Variants in RWDD2B observed in about 807,000 individuals in gnomAD.
The protein encoded by RWDD2B is RWD domain containing 2B.
A neutral mutation model predicts 33.6 loss-of-function variants in RWDD2B; 36 were observed. The observed-to-expected ratio is 1.07, with a 90% CI of 0.82 to 1.42. The LOEUF is 1.42. Among genes scored for constraint, RWDD2B ranks in the 40% most tolerant of loss-of-function variants. The pLI, the probability that RWDD2B is intolerant of heterozygous loss-of-function variation, is 0.00. For missense variants in RWDD2B, 364 were observed against 377.5 expected (o/e 0.96, Z 0.30); for synonymous variants, 126 against 133.1 (o/e 0.95, Z 0.37).
At position 29,008,259 on chromosome 21, in the gene RWDD2B, G is replaced by T. The variant is rs1418060360; in HGVS notation, c.343C>A (p.Leu115Met). Reference sequence around the variant, plus strand: ...ACGTACCTGACAGTAATTTCAGGCAGAACTGCCGGGTATTTAAAGGGAAGA... The same window carrying T: ...ACGTACCTGACAGTAATTTCAGGCATAACTGCCGGGTATTTAAAGGGAAGA... The part of the protein sequence containing the change: ...CILPFKYPAV[L>M]PEITVRSVLL... Residue 115 changes from leucine to methionine, a missense_variant, in exon 3 of 5, where the codon CTG (leucine) becomes ATG (methionine). Leu to Met is a conservative substitution (Grantham distance 15). Transcript: ENST00000493196. 2.5e-6 allele frequency: 4 copies of T among 1,614,198 alleles called. No homozygotes were observed. Among genetic ancestry groups the T allele is most frequent in the Middle Eastern group, 1.6e-4 (1 of 6,062 alleles).
At chr21:29,013,378 A>T (rs1450795117) in intron 1 of RWDD2B, among the ~76,000 whole-genome samples, 1 of 152,210 alleles carries the variant, frequency 6.6e-6, no homozygotes, top group East Asian at 1.9e-4. Flanking sequence ...AAACAAGAAA[A>T]AATGGTAATT....
chr21:29,004,563 T>C lies in RWDD2B; in HGVS notation c.*1854A>G, dbSNP rs2084819752. 1.3e-5 allele frequency: 2 copies of C among 152,232 alleles called. No individual in the cohort carries two copies. The allele number at this position is 152,232 out of a possible 1,614,324, so 9.4% of individuals were successfully genotyped here. A position where few individuals can be genotyped will look rare whatever the true frequency, so the allele number is the denominator to read the frequency against. Reference sequence around the variant, plus strand: ...GGTAGGGATGTCAGATTCCATTCTCTGTAGGGTATTTCATACAAATCTGTT... The same window carrying C: ...GGTAGGGATGTCAGATTCCATTCTCCGTAGGGTATTTCATACAAATCTGTT... On this transcript the variant is annotated 3_prime_UTR_variant, in exon 5 of 5. Transcript: ENST00000493196.
At chr21:29,013,059 T>C (rs2146339092) in intron 1 of RWDD2B, among the ~76,000 whole-genome samples, 1 of 151,618 alleles carries the variant, frequency 6.6e-6, no homozygotes, top group African/African-American at 2.4e-5. Context: ...TTTTTTTTTT[T>C]TTTTTGAGAC....
intron 1 of RWDD2B, 65 bp from the exon 2 acceptor site, chr21:29,008,686 C>A: frequency 1.0e-6 from 1 of 996,856 alleles, no homozygotes; most frequent in Non-Finnish European, 1.5e-6. Context: ...AATACATCAA[C>A]ATGTGTACTT....
chr21:29,019,065 C>T, intron 1 of RWDD2B, 146 bp downstream of exon 1: 2 of 666,782 alleles, frequency 3.0e-6, no homozygotes, highest in Non-Finnish European at 5.1e-6. Context: ...GAAGCAACGC[C>T]GAGGACCGAG....
chr21:29,010,467 G>A (rs910419322), intron 1 of RWDD2B, among the ~76,000 whole-genome samples: 8 of 150,072 alleles, frequency 5.3e-5, no homozygotes, highest in East Asian at 2.0e-4. Context: ...AAAATTACCC[G>A]GGTGTGTTGG....
intron 1 of RWDD2B, among the ~76,000 whole-genome samples, chr21:29,011,093 G>A (rs1448592407): frequency 2.0e-5 from 3 of 151,636 alleles, no homozygotes; most frequent in Admixed American, 6.6e-5. Context: ...CCGCCACCCC[G>A]TCTGGGAAGT....
rs1477385932 is a variant in RWDD2B, at chr21:29,011,978, C to T, written c.68-3357G>A. Reference sequence around the variant, plus strand: ...CCCCGACCCGGCCAGCCGCGCCGTCCGGGAGGGAGGTGGGGGGGTCAGCCC... The same window carrying T: ...CCCCGACCCGGCCAGCCGCGCCGTCTGGGAGGGAGGTGGGGGGGTCAGCCC... On this transcript the variant is annotated intron_variant, in intron 1 of 4. Coordinates refer to ENST00000493196, the MANE Select transcript of RWDD2B (RefSeq NM_016940.3). Among the ~76,000 whole-genome samples the T allele has an allele frequency of 2.8e-3, 353 of 124,934 alleles. 29 individuals carry two copies. Among genetic ancestry groups the T allele is most frequent in the African/African-American group, 0.01 (326 of 31,400 alleles). The allele number at this position is 124,934 out of a possible 152,430, so 82.0% of individuals were successfully genotyped here.
chr21:29,007,709 G>C (rs2084835234), intron 4 of RWDD2B, 52 bp downstream of exon 4: 2 of 1,558,766 alleles, frequency 1.3e-6, no homozygotes, highest in African/African-American at 1.4e-5. Flanking sequence ...ACTGTATCTT[G>C]TTTAGTATTA....
At chr21:29,008,670 G>T in intron 1 of RWDD2B, 49 bp from the exon 2 acceptor site, 1 of 1,227,678 alleles carries the variant, frequency 8.1e-7, no homozygotes, top group Non-Finnish European at 1.2e-6. Flanking sequence ...AATCTTGGAA[G>T]AAATGAATAC....
At position 29,008,264 on chromosome 21, in the gene RWDD2B, G is replaced by A. The variant is rs1462844034; in HGVS notation, c.338C>T (p.Ala113Val). 4 of 1,614,224 alleles carry A rather than the reference G, an allele frequency of 2.5e-6. No individual in the cohort carries two copies. Among genetic ancestry groups the A allele is most frequent in the Non-Finnish European group, 8.5e-7 (1 of 1,180,024 alleles). The change falls in exon 3 of 5, where the codon GCA becomes GTA. Residue 113 changes from alanine to valine, a missense_variant. Physicochemically the swap from Ala to Val is moderately conservative, Grantham distance 64. Transcript: ENST00000493196. Reference sequence around the variant, plus strand: ...CCTGACAGTAATTTCAGGCAGAACTGCCGGGTATTTAAAGGGAAGAATACA... The same window carrying A: ...CCTGACAGTAATTTCAGGCAGAACTACCGGGTATTTAAAGGGAAGAATACA... ...LACILPFKYPAVLPEITVRSV... is the reference protein window; with the variant it reads ...LACILPFKYPVVLPEITVRSV...
intron 1 of RWDD2B, among the ~76,000 whole-genome samples, chr21:29,016,827 T>G (rs1214952185): frequency 6.6e-6 from 1 of 152,188 alleles, no homozygotes; most frequent in Non-Finnish European, 1.5e-5. Flanking sequence ...GTGGCTTAAT[T>G]TATCTGTGCT....
chr21:29,012,183 C>CCT (rs1555851482), intron 1 of RWDD2B, among the ~76,000 whole-genome samples: 2 of 131,136 alleles, frequency 1.5e-5, no homozygotes, highest in African/African-American at 5.8e-5. Flanking sequence ...GTCAGCCCCC[C>CCT]CCCGGGAGGT....
chr21:29,009,269 G>T (rs2084845048), intron 1 of RWDD2B, among the ~76,000 whole-genome samples: 1 of 152,014 alleles, frequency 6.6e-6, no homozygotes. Flanking sequence ...TTTATTTGTA[G>T]AAACAAGGTC....
chr21:29,016,712 T>C (rs2084892186), intron 1 of RWDD2B, among the ~76,000 whole-genome samples: 1 of 152,230 alleles, frequency 6.6e-6, no homozygotes, highest in African/African-American at 2.4e-5. Flanking sequence ...TTACTTTGTT[T>C]TTTTGTTGGC....
rs958057352 is a variant in RWDD2B, at chr21:29,016,567, T to TA, written c.67+2643_67+2644insT. 1.9e-4 allele frequency among the ~76,000 whole-genome samples: 29 copies of TA among 152,216 alleles called. No homozygotes were observed. The South Asian group carries it at 3.1e-3, about 16-fold the overall frequency. ...GCATGAGCCACTGCTCCCGGCCTTT[T>TA]TTTTTTTAAACAAAATCCTCATACA... On this transcript the variant is annotated intron_variant, in intron 1 of 4. Coordinates refer to ENST00000493196, the MANE Select transcript of RWDD2B (RefSeq NM_016940.3).
rs1170222723 is a variant in RWDD2B at position 29,007,952 on chromosome 21, G to A, written c.534C>T (p.Ser178=). Residue 178 remains serine, a synonymous_variant, in exon 4 of 5, where the codon AGC becomes AGT. Coordinates refer to ENST00000493196, the MANE Select transcript of RWDD2B (RefSeq NM_016940.3). The part of the protein sequence containing the change: ...RDTSSSPTTG[S]TVQSVDLIFT... Reference sequence around the variant, plus strand: ...AGATGAGGTCAACTGACTGGACTGTGCTTCCTGTGGTGGGTGAAGATGAAG... The same window carrying A: ...AGATGAGGTCAACTGACTGGACTGTACTTCCTGTGGTGGGTGAAGATGAAG... 3.7e-6 allele frequency: 6 copies of A among 1,614,200 alleles called. No individual in the cohort carries two copies. The highest frequency in any genetic ancestry group is 1.1e-5 in the South Asian group (1 of 91,074).
At chr21:29,018,119 G>A (rs975408517) in intron 1 of RWDD2B, among the ~76,000 whole-genome samples, 4 of 152,194 alleles carry the variant, frequency 2.6e-5, no homozygotes, top group African/African-American at 9.7e-5. Flanking sequence ...GAGAGATGAT[G>A]GTGGCTTTGA....
At position 29,005,118 on chromosome 21, in the gene RWDD2B, A is replaced by AAATAATTT. The variant is rs2084822063; in HGVS notation, c.*1298_*1299insAAATTATT. ...CTGGGTGGTGTGTTTATTTAATGCT[A>AAATAATTT]GGTCAATTTGGCAAAAATAAATGTA... On this transcript the variant is annotated 3_prime_UTR_variant, in exon 5 of 5. Coordinates refer to ENST00000493196, the MANE Select transcript of RWDD2B (RefSeq NM_016940.3). 1 of 152,228 alleles carries AAATAATTT rather than the reference A, an allele frequency of 6.6e-6. No homozygotes were observed. The highest frequency in any genetic ancestry group is 2.4e-5 in the African/African-American group (1 of 41,444). 9.4% of individuals were successfully genotyped at this position (152,228 alleles called of 1,614,324 possible).
Sources: allele counts gnomAD v4.1 joint callset (sites outside exome capture counted in the v4.1 genomes callset), GRCh38; gene constraint gnomAD v4.1.1; transcripts MANE v1.5; gene names NCBI Gene and HGNC (gene_info 2026-07-23, HGNC 2026-07-21).